The following HAPLN4 variants were observed in gnomAD, a reference collection of about 807,000 sequenced individuals.
HAPLN4 encodes brain link protein 2.
HAPLN4 carries 19 observed loss-of-function variants against 28.0 expected under a neutral mutation model. The ratio of observed to expected loss-of-function variants is 0.68; its 90% CI spans 0.47 to 1.00. HAPLN4 has a LOEUF of 1.00. HAPLN4 is among the 50% of genes least tolerant of loss of function. HAPLN4 has a pLI of 0.00. For missense variants in HAPLN4, 587 were observed against 602.6 expected (o/e 0.97, Z 0.27); for synonymous variants, 274 against 273.0 (o/e 1.00, Z -0.03).
At chr19:19,261,794 C>T (rs2060984454) in intron 1 of HAPLN4, 1 of 461,500 alleles carries the variant, frequency 2.2e-6, no homozygotes, top group Non-Finnish European at 3.8e-6. Flanking sequence ...TGCCCCAGAT[C>T]CCGCCTCATT....
At chr19:19,260,544 T>C (rs1164582875) in intron 3 of HAPLN4, among the ~76,000 whole-genome samples, 1 of 152,174 alleles carries the variant, frequency 6.6e-6, no homozygotes, top group African/African-American at 2.4e-5. Context: ...GGGACTATCC[T>C]GTGCCTGGTA....
chr19:19,258,545 G>T lies in HAPLN4; in HGVS notation c.795C>A (p.Phe265Leu). ...RHNAEERYDA[F>L]CFTSNLPGRV... ...CACCCGGCAGGTTGGACGTGAAGCA[G>T]AAGGCGTCGTAGCGTTCCTCGGCGT... is the stretch of plus-strand genomic sequence containing the variant. Residue 265 changes from phenylalanine to leucine, a missense_variant, in exon 4 of 5, where the codon TTC (phenylalanine) becomes TTA (leucine). Physicochemically the swap from Phe to Leu is conservative, Grantham distance 22. Transcript: ENST00000291481. The surrounding 1 kb of genome is among the most constrained non-coding windows in gnomAD (Gnocchi z 6.2). 2 of 1,613,632 alleles carry T rather than the reference G, an allele frequency of 1.2e-6. No individual in the cohort carries two copies. The highest frequency in any genetic ancestry group is 1.7e-6 in the Non-Finnish European group (2 of 1,179,890).
rs1024845763 is a variant in HAPLN4, at chr19:19,261,470, G to C, written c.97C>G (p.Arg33Gly). 1.2e-6 allele frequency: 2 copies of C among 1,612,162 alleles called. No homozygotes were observed. Among genetic ancestry groups the C allele is most frequent in the Non-Finnish European group, 8.5e-7 (1 of 1,179,680 alleles). ...LTAPAGAQRG[R>G]KKVVHVLEGE... Reference sequence around the variant, plus strand: ...CCCAGCACGTGCACGACCTTCTTCCGGCCACGCTGCGCCCCCGCAGGGGCT... The same window carrying C: ...CCCAGCACGTGCACGACCTTCTTCCCGCCACGCTGCGCCCCCGCAGGGGCT... The change falls in exon 2 of 5, where the codon CGG (arginine) becomes GGG (glycine). Residue 33 changes from arginine (R) to glycine (G), a missense_variant. Physicochemically the swap from Arg to Gly is moderately radical, Grantham distance 125. Transcript: ENST00000291481.
chr19:19,259,982 G>A (rs2060977966), intron 3 of HAPLN4, among the ~76,000 whole-genome samples: 1 of 152,142 alleles, frequency 6.6e-6, no homozygotes. Flanking sequence ...TCTAGCTGCT[G>A]CTCCTAGGAA....
In HAPLN4 at chr19:19,262,774, G is replaced by A. The variant is rs1472115777; in HGVS notation, c.-42C>T. 2.5e-6 allele frequency: 4 copies of A among 1,603,614 alleles called. No homozygotes were observed. The highest frequency in any genetic ancestry group is 3.4e-6 in the Non-Finnish European group (4 of 1,174,856). ...CCGCCGAGCGGCCCCTACGCACCCGGACTGCGCTCCCCGCACACCCGGTTA... is the reference window on the plus strand; with the variant it reads ...CCGCCGAGCGGCCCCTACGCACCCGAACTGCGCTCCCCGCACACCCGGTTA... On this transcript the variant is annotated 5_prime_UTR_variant, in exon 1 of 5. Coordinates refer to ENST00000291481, the MANE Select transcript of HAPLN4 (RefSeq NM_023002.3).
Position 19,255,560 on chromosome 19 carries a change from A to T in HAPLN4, c.*2257T>A, listed in dbSNP as rs1395950133. 2 of 152,134 alleles carry T rather than the reference A, an allele frequency of 1.3e-5. No homozygotes were observed. The highest frequency in any genetic ancestry group is 3.9e-4 in the East Asian group (2 of 5,192). The allele number at this position is 152,134 out of a possible 1,614,324, so 9.4% of individuals were successfully genotyped here. On this transcript the variant is annotated 3_prime_UTR_variant, in exon 5 of 5. Transcript: ENST00000291481. Reference sequence around the variant, plus strand: ...ACTCCATCTCAAAAAAACAAAACAAAAAAAACCCCAAGCCCCCCAAGCTTG... The same window carrying T: ...ACTCCATCTCAAAAAAACAAAACAATAAAAACCCCAAGCCCCCCAAGCTTG...
rs757931577 is a variant in HAPLN4, at chr19:19,258,740, C to T, written c.600G>A (p.Ala200=). The part of the protein sequence containing the change: ...GILASAEQLH[A]AWRDGLDWCN... The stretch of plus-strand genomic sequence containing the variant: ...ACCAGTCCAGGCCGTCGCGCCAGGC[C>T]GCGTGCAGCTGTTCTGCAGATGCCA... Residue 200 remains alanine (A), a synonymous_variant, in exon 4 of 5, where the codon GCG becomes GCA. Coordinates refer to ENST00000291481, the MANE Select transcript of HAPLN4 (RefSeq NM_023002.3). This position sits in a 1 kb window ranked among gnomAD's most constrained non-coding sequence, Gnocchi z 6.2. 7 of 1,602,970 alleles carry T rather than the reference C, an allele frequency of 4.4e-6. No individual in the cohort carries two copies. The highest frequency in any genetic ancestry group is 3.3e-5 in the South Asian group (3 of 90,112).
Position 19,257,167 on chromosome 19 carries a change from G to GT in HAPLN4, c.*649dup, listed in dbSNP as rs1276048742. ...GGTGCTCGCCCATGAAACTAGAGGG[G>GT]TGTGCCCTGTTACCCAGAAACTGCA... On this transcript the variant is annotated 3_prime_UTR_variant, in exon 5 of 5. Coordinates refer to ENST00000291481, the MANE Select transcript of HAPLN4 (RefSeq NM_023002.3). 6.6e-6 allele frequency: 1 copy of GT among 152,126 alleles called. No homozygotes were observed. 9.4% of individuals were successfully genotyped at this position (152,126 alleles called of 1,614,324 possible).
rs2060966690 is a variant in HAPLN4 at position 19,256,690 on chromosome 19, T to C, written c.*1127A>G. On this transcript the variant is annotated 3_prime_UTR_variant, in exon 5 of 5. Transcript: ENST00000291481. ...CCATGGTGAGAGCCGGAGAACTGGA[T>C]GTTGGGTCACCCTGGCGACAGCTTC... 1 of 152,430 alleles carries C rather than the reference T, an allele frequency of 6.6e-6. No individual in the cohort carries two copies. The allele number at this position is 152,430 out of a possible 1,614,324, so 9.4% of individuals were successfully genotyped here.
intron 1 of HAPLN4, 109 bp downstream of exon 1, chr19:19,262,621 G>A: frequency 7.8e-7 from 1 of 1,289,014 alleles, no homozygotes; most frequent in South Asian, 1.2e-5. Flanking sequence ...ACAGAGAAAA[G>A]GAAGAGACAG....
chr19:19,256,225 C>G lies in HAPLN4; in HGVS notation c.*1592G>C, dbSNP rs1424237533. On this transcript the variant is annotated 3_prime_UTR_variant, in exon 5 of 5. Transcript: ENST00000291481. ...CTCGGTTTCCTCATTTGTAGGACGA[C>G]GACAAACATGCCCGGGTGTTGCAAG... 1 of 152,186 alleles carries G rather than the reference C, an allele frequency of 6.6e-6. No individual in the cohort carries two copies. The highest frequency in any genetic ancestry group is 1.5e-5 in the Non-Finnish European group (1 of 68,038). 9.4% of individuals were successfully genotyped at this position (152,186 alleles called of 1,614,324 possible). A position where few individuals can be genotyped will look rare whatever the true frequency, so the allele number is the denominator to read the frequency against.
In HAPLN4 at chr19:19,258,248, C is replaced by T. The variant is rs1273746323; in HGVS notation, c.818-40G>A. ...TGGGGGGTGGGTTATTAGTGCGGCTCCTGGGACCCTGCTTCGGTGGGATTC... is the reference window on the plus strand; with the variant it reads ...TGGGGGGTGGGTTATTAGTGCGGCTTCTGGGACCCTGCTTCGGTGGGATTC... On this transcript the variant is annotated intron_variant, in intron 4 of 4. Coordinates refer to ENST00000291481, the MANE Select transcript of HAPLN4 (RefSeq NM_023002.3). The surrounding 1 kb of genome is among the most constrained non-coding windows in gnomAD (Gnocchi z 6.2). 14 of 1,445,664 alleles carry T rather than the reference C, an allele frequency of 9.7e-6. No homozygotes were observed. Among genetic ancestry groups the T allele is most frequent in the Non-Finnish European group, 2.7e-6 (3 of 1,098,180 alleles). 89.6% of individuals were successfully genotyped at this position (1,445,664 alleles called of 1,614,324 possible).
rs746661091 is a variant in HAPLN4 at position 19,261,149 on chromosome 19, G to C, written c.148C>G (p.Gln50Glu). 6.2e-6 allele frequency: 10 copies of C among 1,603,384 alleles called. No individual in the cohort carries two copies. The highest frequency in any genetic ancestry group is 8.5e-6 in the Non-Finnish European group (10 of 1,173,164). The part of the protein sequence containing the change: ...LEGESGSVVV[Q>E]TAPGQVVSHR... ...CTTACCACCTGCCCAGGCGCTGTCT[G>C]TACCACTACCGAGCCCGACTCACCC... The change falls in exon 3 of 5, where the codon CAG becomes GAG. Residue 50 changes from glutamine (Q) to glutamate (E), a missense_variant. Gln to Glu is a conservative substitution (Grantham distance 29, BLOSUM62 2). Coordinates refer to ENST00000291481, the MANE Select transcript of HAPLN4 (RefSeq NM_023002.3).
rs2060980185 is a variant in HAPLN4, at chr19:19,260,835, G to T, written c.462C>A (p.Gly154=). ...EVTNELEDDA[G]MVKLDLEGVV... ...CACCTTCCAGGTCCAGCTTGACCAT[G>T]CCAGCGTCATCTTCCAGCTCATTGG... is the stretch of plus-strand genomic sequence containing the variant. Residue 154 remains glycine, a synonymous_variant, in exon 3 of 5, where the codon GGC becomes GGA. Coordinates refer to ENST00000291481, the MANE Select transcript of HAPLN4 (RefSeq NM_023002.3). 1 of 1,612,036 alleles carries T rather than the reference G, an allele frequency of 6.2e-7. No individual in the cohort carries two copies.
chr19:19,256,585 T>G lies in HAPLN4; in HGVS notation c.*1232A>C, dbSNP rs1173166848. On this transcript the variant is annotated 3_prime_UTR_variant, in exon 5 of 5. Transcript: ENST00000291481. Reference sequence around the variant, plus strand: ...AGTTTGGTCACCATGGCAACAGTGGTGGGGTCCAAACCGCCTGGGGGTGGA... The same window carrying G: ...AGTTTGGTCACCATGGCAACAGTGGGGGGGTCCAAACCGCCTGGGGGTGGA... The G allele has an allele frequency of 6.6e-6, 1 of 152,510 alleles. No homozygotes were observed. The highest frequency in any genetic ancestry group is 1.9e-4 in the East Asian group (1 of 5,196). The allele number at this position is 152,510 out of a possible 1,614,324, so 9.4% of individuals were successfully genotyped here. A position where few individuals can be genotyped will look rare whatever the true frequency, so the allele number is the denominator to read the frequency against.
At chr19:19,262,465 G>T (rs932325256) in intron 1 of HAPLN4, among the ~76,000 whole-genome samples, 3 of 151,702 alleles carry the variant, frequency 2.0e-5, no homozygotes, top group African/African-American at 7.3e-5. Context: ...ACTCAGAGAA[G>T]AGGAGGGAGA....
At position 19,258,465 on chromosome 19, in the gene HAPLN4, GC is replaced by G; in HGVS notation, c.817+57del. ...CGCTAAGAGCTGGGTGGGGAAGAAG[GC>G]CCCGGGGTTGGGGTAGTGTTGCAGC... On this transcript the variant is annotated intron_variant, in intron 4 of 4. Transcript: ENST00000291481. This position sits in a 1 kb window ranked among gnomAD's most constrained non-coding sequence, Gnocchi z 6.2. 4 of 1,528,302 alleles carry G rather than the reference GC, an allele frequency of 2.6e-6. No individual in the cohort carries two copies. The highest frequency in any genetic ancestry group is 3.6e-6 in the Non-Finnish European group (4 of 1,112,892). 94.7% of individuals were successfully genotyped at this position (1,528,302 alleles called of 1,614,324 possible).
rs1410131333 is a variant in HAPLN4, at chr19:19,262,767, G to A, written c.-35C>T. ...GCGGCCCCCGCCGAGCGGCCCCTAC[G>A]CACCCGGACTGCGCTCCCCGCACAC... On this transcript the variant is annotated 5_prime_UTR_variant, in exon 1 of 5. Coordinates refer to ENST00000291481, the MANE Select transcript of HAPLN4 (RefSeq NM_023002.3). 13 of 1,606,730 alleles carry A rather than the reference G, an allele frequency of 8.1e-6. No individual in the cohort carries two copies. Among genetic ancestry groups the A allele is most frequent in the African/African-American group, 2.7e-5 (2 of 74,802 alleles).
rs1226341911 is a variant in HAPLN4 at position 19,258,101 on chromosome 19, C to A, written c.925G>T (p.Ala309Ser). The change falls in exon 5 of 5, where the codon GCG becomes TCG. Residue 309 changes from alanine to serine, a missense_variant. Ala to Ser is a moderately conservative substitution (Grantham distance 99, BLOSUM62 1). Coordinates refer to ENST00000291481, the MANE Select transcript of HAPLN4 (RefSeq NM_023002.3). This position sits in a 1 kb window ranked among gnomAD's most constrained non-coding sequence, Gnocchi z 6.2. Reference sequence around the variant, plus strand: ...CGGTCTAGCAGCTGCAGCTTCCACGCGGCGAACAGCTGCCCCACCTTGGCC... The same window carrying A: ...CGGTCTAGCAGCTGCAGCTTCCACGAGGCGAACAGCTGCCCCACCTTGGCC... The part of the protein sequence containing the change: ...AVAKVGQLFA[A>S]WKLQLLDRCT... 2.6e-6 allele frequency: 4 copies of A among 1,551,654 alleles called. No homozygotes were observed. Among genetic ancestry groups the A allele is most frequent in the Non-Finnish European group, 3.5e-6 (4 of 1,155,566 alleles).
Sources: gnomAD v4.1 joint callset for allele counts (sites outside exome capture counted in the v4.1 genomes callset) on GRCh38, gnomAD v4.1.1 for gene constraint, Gnocchi (gnomAD v3.1) non-coding constraint, MANE v1.5 for transcripts, NCBI Gene and HGNC (gene_info 2026-07-23, HGNC 2026-07-21) for gene names.